Variants in COL26A1 observed in about 807,000 individuals in gnomAD.
COL26A1 encodes the protein collagen type XXVI alpha 1 chain.
A neutral mutation model predicts 59.3 loss-of-function variants in COL26A1; 41 were observed. The observed-to-expected ratio is 0.69, with a 90% CI of 0.54 to 0.90. The LOEUF is 0.90. COL26A1 is among the 40% of genes least tolerant of loss of function. COL26A1 has a pLI of 0.00. For synonymous variants in COL26A1, 266 were observed against 256.0 expected, an observed-to-expected ratio of 1.04 and a Z score of -0.37; for missense variants, 612 against 602.3, an observed-to-expected ratio of 1.02 and a Z score of -0.17.
At chr7:101,451,675 T>C (rs994678269) in intron 3 of COL26A1, among the ~76,000 whole-genome samples, 5 of 151,212 alleles carry the variant, frequency 3.3e-5, no homozygotes, top group African/African-American at 7.3e-5. Context: ...GCTTTGTGGT[T>C]ATTGTCTCTA....
At chr7:101,516,622 A>G (rs1224305928) in intron 3 of COL26A1, among the ~76,000 whole-genome samples, 2 of 152,178 alleles carry the variant, frequency 1.3e-5, no homozygotes, top group Non-Finnish European at 2.9e-5. Context: ...TTTCTCAGCC[A>G]TGCAGTCTAG....
intron 1 of COL26A1, among the ~76,000 whole-genome samples, chr7:101,418,745 C>T (rs192671114): frequency 7.9e-5 from 12 of 152,186 alleles, no homozygotes; most frequent in South Asian, 4.2e-4. Context: ...AGCCACCACC[C>T]GGCCAGGGAC....
chr7:101,384,007 A>AGTTT (rs55690156), intron 1 of COL26A1, among the ~76,000 whole-genome samples: 19,262 of 143,714 alleles, frequency 0.13, 1,244 homozygotes, highest in Non-Finnish European at 0.15. Context: ...ATTTTTTGCA[A>AGTTT]GTTTGTTTAT....
chr7:101,432,698 CT>C (rs1367835568), intron 2 of COL26A1, among the ~76,000 whole-genome samples: 6 of 151,306 alleles, frequency 4.0e-5, no homozygotes, highest in Non-Finnish European at 7.4e-5. Context: ...AAAGTGCATT[CT>C]TTTTTTTTGT....
Position 101,492,038 on chromosome 7 carries a change from C to G in COL26A1, c.386-41044C>G, listed in dbSNP as rs1420080196. Among the ~76,000 whole-genome samples the G allele has an allele frequency of 2.6e-5, 4 of 152,026 alleles. No individual in the cohort carries two copies. The East Asian group carries it at 7.7e-4, about 29-fold the overall frequency. On this transcript the variant is annotated intron_variant, in intron 3 of 12. Coordinates refer to ENST00000313669, the MANE Select transcript of COL26A1 (RefSeq NM_001278563.3). ...CAGGCTGGGGTCCTCTGGGGAAAAT[C>G]CTGCTGGGATGGAATGATGAGGGCA...
rs111600585 is a variant in COL26A1, at chr7:101,397,348, T to C, written c.159-22629T>C. Among the ~76,000 whole-genome samples the C allele has an allele frequency of 7.6e-3, 1,128 of 148,872 alleles. 19 individuals carry two copies. The highest frequency in any genetic ancestry group is 0.027 in the African/African-American group (1,081 of 40,132). On this transcript the variant is annotated intron_variant, in intron 1 of 12. Coordinates refer to ENST00000313669, the MANE Select transcript of COL26A1 (RefSeq NM_001278563.3). Reference sequence around the variant, plus strand: ...GAACAGAGGACTTAGAATTGCTTTCTTTTCCTTCCTTCCTTCCTTCCTTCT... The same window carrying C: ...GAACAGAGGACTTAGAATTGCTTTCCTTTCCTTCCTTCCTTCCTTCCTTCT...
At chr7:101,394,476 A>G (rs1176939804) in intron 1 of COL26A1, among the ~76,000 whole-genome samples, 1 of 152,054 alleles carries the variant, frequency 6.6e-6, no homozygotes, top group Non-Finnish European at 1.5e-5. Flanking sequence ...GTACAATAAT[A>G]GCTCACTGCA....
intron 3 of COL26A1, among the ~76,000 whole-genome samples, chr7:101,501,578 C>G (rs1584467309): frequency 6.6e-6 from 1 of 152,020 alleles, no homozygotes; most frequent in African/African-American, 2.4e-5. Context: ...GGAGCTGCCC[C>G]TCTTTTCAGC....
chr7:101,429,435 TTTTC>T (rs1261921362), intron 2 of COL26A1, among the ~76,000 whole-genome samples: 1 of 152,042 alleles, frequency 6.6e-6, no homozygotes, highest in East Asian at 1.9e-4. Flanking sequence ...GGACATTTTT[TTTTC>T]TTTCTAAGTT....
chr7:101,498,528 C>T (rs1408835991), intron 3 of COL26A1, among the ~76,000 whole-genome samples: 1 of 152,100 alleles, frequency 6.6e-6, no homozygotes, highest in South Asian at 2.1e-4. Flanking sequence ...CTCTGAGCAC[C>T]TTGGTGAGCC....
At chr7:101,458,642 C>A (rs867492738) in intron 3 of COL26A1, among the ~76,000 whole-genome samples, 8 of 129,598 alleles carry the variant, frequency 6.2e-5, no homozygotes, top group African/African-American at 2.4e-4. Flanking sequence ...TGAGTGAAAA[C>A]TCTGTCTCCA....
intron 2 of COL26A1, among the ~76,000 whole-genome samples, chr7:101,431,110 T>G (rs1362458801): frequency 6.6e-6 from 1 of 152,170 alleles, no homozygotes; most frequent in African/African-American, 2.4e-5. Flanking sequence ...CCTGTATGCC[T>G]TTTATTTTAT....
At chr7:101,458,678 G>A (rs768358539) in intron 3 of COL26A1, among the ~76,000 whole-genome samples, 7 of 152,004 alleles carry the variant, frequency 4.6e-5, no homozygotes, top group Non-Finnish European at 1.0e-4. Context: ...GTACTCTATA[G>A]TTTAGAAAGT....
intron 3 of COL26A1, among the ~76,000 whole-genome samples, chr7:101,506,215 C>G (rs1417823109): frequency 6.6e-6 from 1 of 152,204 alleles, no homozygotes; most frequent in Admixed American, 6.5e-5. Flanking sequence ...CTGACTGTCC[C>G]GGTTGTTTGG....
At chr7:101,475,699 C>T (rs558785427) in intron 3 of COL26A1, among the ~76,000 whole-genome samples, 4 of 151,860 alleles carry the variant, frequency 2.6e-5, no homozygotes, top group African/African-American at 4.8e-5. Context: ...ATTGGATGTG[C>T]GTGGCGATGA....
intron 3 of COL26A1, among the ~76,000 whole-genome samples, chr7:101,454,925 A>T (rs530595027): frequency 2.0e-5 from 3 of 152,286 alleles, no homozygotes; most frequent in Admixed American, 2.0e-4. Context: ...ATGGTTCAGT[A>T]TTCACTAAGG....
intron 1 of COL26A1, among the ~76,000 whole-genome samples, chr7:101,383,651 C>A (rs533917248): frequency 6.6e-6 from 1 of 152,328 alleles, no homozygotes; most frequent in East Asian, 1.9e-4. Context: ...CCTCCTGCCT[C>A]AGCCCCCCTA....
chr7:101,511,567 C>G (rs1038197046), intron 3 of COL26A1, among the ~76,000 whole-genome samples: 1 of 152,216 alleles, frequency 6.6e-6, no homozygotes, highest in Non-Finnish European at 1.5e-5. Context: ...TGGTAGTCAC[C>G]AAGCGCCACA....
chr7:101,375,508 C>A (rs1173262451), intron 1 of COL26A1, among the ~76,000 whole-genome samples: 1 of 151,572 alleles, frequency 6.6e-6, no homozygotes, highest in Non-Finnish European at 1.5e-5. Context: ...CCAGCCCGGG[C>A]AACATAGCGA....
Sources: allele counts gnomAD v4.1 joint callset (sites outside exome capture counted in the v4.1 genomes callset), GRCh38; gene constraint gnomAD v4.1.1; transcripts MANE v1.5; gene names NCBI Gene and HGNC (gene_info 2026-07-23, HGNC 2026-07-21).